The following LNPEP variants were observed in gnomAD, a reference collection of about 807,000 sequenced individuals.
The protein encoded by LNPEP is leucyl and cystinyl aminopeptidase.
In LNPEP, 64 loss-of-function variants were observed where a neutral mutation model predicts 120.6. The observed-to-expected ratio is 0.53, with a 90% CI of 0.43 to 0.65. The LOEUF is 0.65. Ranked by LOEUF, LNPEP falls within the 30% of genes least tolerant of loss-of-function variation. The pLI, the probability that LNPEP is intolerant of heterozygous loss-of-function variation, is 0.00. For missense variants in LNPEP, 1,057 were observed against 1,200.0 expected, an observed-to-expected ratio of 0.88 and a Z score of 1.76; for synonymous variants, 435 against 425.4, an observed-to-expected ratio of 1.02 and a Z score of -0.28.
chr5:97,010,871 G>A, intron 11 of LNPEP: 1 of 985,372 alleles, frequency 1.0e-6, no homozygotes, highest in African/African-American at 1.7e-5. Flanking sequence ...GTGGTTTTAA[G>A]GTCCACCATT....
In LNPEP at chr5:97,033,555, TA is replaced by T. The variant is rs1791512524; in HGVS notation, c.*5025del. 1 of 152,198 alleles carries T rather than the reference TA, an allele frequency of 6.6e-6. No homozygotes were observed. Among genetic ancestry groups the T allele is most frequent in the Admixed American group, 6.5e-5 (1 of 15,282 alleles). The allele number at this position is 152,198 out of a possible 1,614,324, so 9.4% of individuals were successfully genotyped here. The stretch of plus-strand genomic sequence containing the variant: ...GGTTTCAAGGTAAGAGTATATACTT[TA>T]AACATGTATATAAATGTTTTTGCTA... On this transcript the variant is annotated 3_prime_UTR_variant, in exon 18 of 18. Transcript: ENST00000231368.
At chr5:97,022,543 C>T (rs1476391078) in intron 14 of LNPEP, 59 bp downstream of exon 14, 1 of 1,333,184 alleles carries the variant, frequency 7.5e-7, no homozygotes, top group Non-Finnish European at 1.1e-6. Flanking sequence ...ACATCATATA[C>T]AGTATCCAGG....
At position 97,035,287 on chromosome 5, in the gene LNPEP, T is replaced by C. The variant is rs778130659; in HGVS notation, c.*6754T>C. On this transcript the variant is annotated 3_prime_UTR_variant, in exon 18 of 18. Coordinates refer to ENST00000231368, the MANE Select transcript of LNPEP (RefSeq NM_005575.3). ...TTTTGTACCTAGTCCTTTGCATGGATATATAGGTACCTAATGAAAATCGAG... is the reference window on the plus strand; with the variant it reads ...TTTTGTACCTAGTCCTTTGCATGGACATATAGGTACCTAATGAAAATCGAG... 6.6e-6 allele frequency: 1 copy of C among 152,106 alleles called. No individual in the cohort carries two copies. Among genetic ancestry groups the C allele is most frequent in the Non-Finnish European group, 1.5e-5 (1 of 67,986 alleles). The allele number at this position is 152,106 out of a possible 1,614,324, so 9.4% of individuals were successfully genotyped here.
chr5:96,987,130 A>G (rs1256529868), intron 4 of LNPEP, among the ~76,000 whole-genome samples: 1 of 152,092 alleles, frequency 6.6e-6, no homozygotes, highest in East Asian at 1.9e-4. Flanking sequence ...CTTTTTTCAA[A>G]GCAAATCCTG....
Position 96,959,608 on chromosome 5 carries a change from A to T in LNPEP, c.20-19530A>T, listed in dbSNP as rs1789550141. ...TATGAAGCTTTTAGCCATTTATATT[A>T]GATGGTGATTTTTAAAACAACTTTT... On this transcript the variant is annotated intron_variant, in intron 1 of 17. Coordinates refer to ENST00000231368, the MANE Select transcript of LNPEP (RefSeq NM_005575.3). Among the ~76,000 whole-genome samples, 6 of 152,316 alleles carry T rather than the reference A, an allele frequency of 3.9e-5. 1 individual carries two copies. In the South Asian group the frequency reaches 1.2e-3, roughly 32 times the overall value.
At position 97,013,800 on chromosome 5, in the gene LNPEP, A is replaced by G. The variant is rs1321240897; in HGVS notation, c.2188A>G (p.Asn730Asp). 9 of 1,604,268 alleles carry G rather than the reference A, an allele frequency of 5.6e-6. No homozygotes were observed. Among genetic ancestry groups the G allele is most frequent in the Non-Finnish European group, 7.6e-6 (9 of 1,176,826 alleles). Residue 730 changes from asparagine (N) to aspartate (D), a missense_variant, in exon 12 of 18, where the codon AAC becomes GAC. By Grantham distance (23) the Asn-to-Asp change is conservative. Transcript: ENST00000231368. ...PYVLSDKDRA[N>D]LINNIFELAG... ...TGTTCTGAGTGACAAAGACCGAGCC[A>G]ACCTTATCAACAACATCTTTGAACT...
chr5:96,984,882 T>C (rs9314181), intron 2 of LNPEP, among the ~76,000 whole-genome samples, 198 bp from the exon 3 acceptor site: 61,901 of 152,110 alleles, frequency 0.41, 12,688 homozygotes, highest in Non-Finnish European at 0.43. Flanking sequence ...TTTGTTCCCA[T>C]TGCTTTATTT....
chr5:96,936,654 T>A (rs1788891664), intron 1 of LNPEP: 1 of 151,816 alleles, frequency 6.6e-6, no homozygotes, highest in Non-Finnish European at 1.5e-5. Context: ...GGTGGGAGGC[T>A]TGGCAGGTTA....
chr5:97,036,280 A>G lies in LNPEP; in HGVS notation c.*7747A>G, dbSNP rs1459587002. On this transcript the variant is annotated 3_prime_UTR_variant, in exon 18 of 18. Coordinates refer to ENST00000231368, the MANE Select transcript of LNPEP (RefSeq NM_005575.3). The stretch of plus-strand genomic sequence containing the variant: ...TATCTTTCATCCCCCACATGTGGCA[A>G]GACAAGTTGGCCCTTTCTTACCCAG... 6.6e-6 allele frequency: 1 copy of G among 152,156 alleles called. No homozygotes were observed. The highest frequency in any genetic ancestry group is 2.4e-5 in the African/African-American group (1 of 41,438). The allele number at this position is 152,156 out of a possible 1,614,324, so 9.4% of individuals were successfully genotyped here.
intron 1 of LNPEP, among the ~76,000 whole-genome samples, chr5:96,966,645 G>T (rs1011673861): frequency 6.6e-6 from 1 of 151,432 alleles, no homozygotes; most frequent in South Asian, 2.1e-4. Context: ...GGTAAAATGT[G>T]GATAATAACT....
At chr5:96,938,090 G>A (rs1455302636) in intron 1 of LNPEP, among the ~76,000 whole-genome samples, 2 of 152,240 alleles carry the variant, frequency 1.3e-5, no homozygotes, top group Non-Finnish European at 2.9e-5. Flanking sequence ...GCAATTTGAA[G>A]TGCTTTTCAG....
At chr5:96,943,160 G>T in intron 1 of LNPEP, 1 of 502,302 alleles carries the variant, frequency 2.0e-6, no homozygotes, top group Non-Finnish European at 2.9e-6. Context: ...GCCAGGAGTT[G>T]AGGTTGAAGT....
intron 1 of LNPEP, among the ~76,000 whole-genome samples, chr5:96,948,894 C>T (rs946995625): frequency 7.2e-5 from 11 of 152,310 alleles, no homozygotes; most frequent in African/African-American, 1.7e-4. Context: ...AAAGTTCAGA[C>T]AGCCATATTC....
rs952127873 is a variant in LNPEP, at chr5:96,938,565, G to GT, written c.19+2399dup. On this transcript the variant is annotated intron_variant, in intron 1 of 17. Transcript: ENST00000231368. ...CTTCAATACTCATCTATTCCAGTAC[G>GT]TTTTTTTTGTAGTTTCCCTGTTTTC... Among the ~76,000 whole-genome samples the GT allele has an allele frequency of 2.5e-3, 383 of 152,012 alleles. 6 individuals are homozygous for GT. The highest frequency in any genetic ancestry group is 8.3e-3 in the African/African-American group (345 of 41,452).
chr5:96,985,242 A>G, intron 3 of LNPEP, 24 bp downstream of exon 3: 1 of 1,578,890 alleles, frequency 6.3e-7, no homozygotes, highest in Non-Finnish European at 8.6e-7. Flanking sequence ...CCTTGAATGT[A>G]AAAATCTTTG....
chr5:96,997,535 T>C (rs1790543763), intron 7 of LNPEP, among the ~76,000 whole-genome samples: 1 of 152,140 alleles, frequency 6.6e-6, no homozygotes, highest in African/African-American at 2.4e-5. Context: ...TATTTCTGTT[T>C]AAGAGTTACA....
At chr5:97,014,804 T>G (rs752521610) in intron 12 of LNPEP, 135 bp from the exon 13 acceptor site, 11 of 456,876 alleles carry the variant, frequency 2.4e-5, no homozygotes, top group Admixed American at 4.0e-5. Context: ...TAGCTTAACT[T>G]TACAAAATGC....
intron 1 of LNPEP, among the ~76,000 whole-genome samples, chr5:96,965,982 G>A (rs1428441887): frequency 6.6e-6 from 1 of 151,936 alleles, no homozygotes; most frequent in African/African-American, 2.4e-5. Context: ...GTTTCTGTTT[G>A]CAATTGTCCT....
intron 11 of LNPEP, among the ~76,000 whole-genome samples, chr5:97,008,005 A>G (rs1790825752): frequency 6.6e-6 from 1 of 152,150 alleles, no homozygotes; most frequent in East Asian, 1.9e-4. Context: ...TTAAAATCCT[A>G]GTGGTAGTTG....
Sources: allele counts gnomAD v4.1 joint callset (sites outside exome capture counted in the v4.1 genomes callset), GRCh38; gene constraint gnomAD v4.1.1; transcripts MANE v1.5; gene names NCBI Gene and HGNC (gene_info 2026-07-23, HGNC 2026-07-21).